Variants in NLK observed in about 807,000 individuals in gnomAD.
NLK encodes serine/threonine-protein kinase NLK.
Under a neutral mutation model 59.0 loss-of-function variants are expected in NLK, and 11 were observed. The observed-to-expected ratio is 0.19, with a 90% confidence interval of 0.12 to 0.31. The LOEUF (loss-of-function observed/expected upper bound fraction) is 0.31. NLK is among the 10% of genes least tolerant of loss of function. NLK has a pLI of 1.00. For missense variants in NLK, 410 were observed against 661.1 expected (o/e 0.62, Z 4.16); for synonymous variants, 235 against 235.9 (o/e 1.00, Z 0.03).
chr17:28,048,539 A>G (rs1165605067), intron 1 of NLK: 1 of 152,220 alleles, frequency 6.6e-6, no homozygotes, highest in Non-Finnish European at 1.5e-5. Context: ...GCTCCCTTTC[A>G]TATGCTATAC....
intron 3 of NLK, among the ~76,000 whole-genome samples, chr17:28,151,243 T>A (rs1235977849): frequency 1.3e-5 from 2 of 152,168 alleles, no homozygotes; most frequent in African/African-American, 4.8e-5. Context: ...GGAGACATTA[T>A]GCTGGGGATT....
intron 1 of NLK, among the ~76,000 whole-genome samples, chr17:28,089,404 A>G (rs1039980633): frequency 6.6e-6 from 1 of 151,716 alleles, no homozygotes; most frequent in African/African-American, 2.4e-5. Context: ...ATGAATTAAT[A>G]GTTCATTCCT....
At chr17:28,128,944 C>T (rs1906402096) in intron 2 of NLK, among the ~76,000 whole-genome samples, 1 of 152,152 alleles carries the variant, frequency 6.6e-6, no homozygotes, top group Non-Finnish European at 1.5e-5. Flanking sequence ...GTGATATAGT[C>T]CAGTTCAATA....
chr17:28,093,237 A>G (rs535624348), intron 1 of NLK, among the ~76,000 whole-genome samples: 1 of 152,280 alleles, frequency 6.6e-6, no homozygotes, highest in East Asian at 1.9e-4. Context: ...TCTTTGAAAT[A>G]TTCTCATGAC....
intron 1 of NLK, among the ~76,000 whole-genome samples, chr17:28,057,775 A>G (rs2142742612): frequency 6.6e-6 from 1 of 152,318 alleles, no homozygotes; most frequent in East Asian, 1.9e-4. Flanking sequence ...ATTTTTCAGT[A>G]CCAAATAATT....
intron 1 of NLK, among the ~76,000 whole-genome samples, chr17:28,111,150 G>A (rs1369656374): frequency 6.6e-6 from 1 of 151,980 alleles, no homozygotes; most frequent in Non-Finnish European, 1.5e-5. Flanking sequence ...TTTCTGAATA[G>A]GACATCTGGA....
At chr17:28,201,623 G>C in the NLK span, among the ~76,000 whole-genome samples, 13 of 152,058 alleles carry the variant, frequency 8.5e-5, no homozygotes, top group African/African-American at 2.9e-4. Flanking sequence ...TTTAAAAAAT[G>C]CTATAGTCAG....
At chr17:28,137,778 TA>T (rs1292004008) in intron 3 of NLK, among the ~76,000 whole-genome samples, 1 of 152,112 alleles carries the variant, frequency 6.6e-6, no homozygotes, top group Non-Finnish European at 1.5e-5. Flanking sequence ...AGTCAATATC[TA>T]GACTGTAAGT....
At chr17:28,082,001 C>T (rs775007307) in intron 1 of NLK, among the ~76,000 whole-genome samples, 1 of 152,218 alleles carries the variant, frequency 6.6e-6, no homozygotes, top group Admixed American at 6.5e-5. Context: ...TCAAGTGATT[C>T]TCTTGCCTCA....
At chr17:28,050,288 C>G (rs1909202081) in intron 1 of NLK, among the ~76,000 whole-genome samples, 1 of 152,012 alleles carries the variant, frequency 6.6e-6, no homozygotes, top group Admixed American at 6.6e-5. Flanking sequence ...GTGGAAGGGC[C>G]TATATGCAGG....
Position 28,132,681 on chromosome 17 carries a change from C to T in NLK, c.644+6C>T. The T allele has an allele frequency of 6.2e-7, 1 of 1,605,262 alleles. No homozygotes were observed. Among genetic ancestry groups the T allele is most frequent in the Non-Finnish European group, 8.5e-7 (1 of 1,174,386 alleles). On this transcript the variant is annotated splice_donor_region_variant and intron_variant, in intron 3 of 10. Transcript: ENST00000407008. ...ATTGACTATTTTGAAGAAATGTATCCTAACCAGGGAATGTGAAAGAAGGGG... is the reference window on the plus strand; with the variant it reads ...ATTGACTATTTTGAAGAAATGTATCTTAACCAGGGAATGTGAAAGAAGGGG...
chr17:28,044,461 A>G (rs756474644), intron 1 of NLK, among the ~76,000 whole-genome samples: 3 of 152,190 alleles, frequency 2.0e-5, no homozygotes, highest in Non-Finnish European at 4.4e-5. Context: ...TTCAGATTTG[A>G]TAATCTAGGC....
chr17:28,124,133 C>T (rs938337223), intron 2 of NLK, among the ~76,000 whole-genome samples: 3 of 152,182 alleles, frequency 2.0e-5, no homozygotes, highest in African/African-American at 7.2e-5. Flanking sequence ...AATGATTATT[C>T]CTCTTGAAAT....
At chr17:28,080,402 G>A (rs1020668003) in intron 1 of NLK, among the ~76,000 whole-genome samples, 29 of 152,070 alleles carry the variant, frequency 1.9e-4, no homozygotes, top group Non-Finnish European at 4.0e-4. Context: ...AACATAGTGA[G>A]AACCCCATCT....
At position 28,075,954 on chromosome 17, in the gene NLK, C is replaced by T. The variant is rs34279493; in HGVS notation, c.458+32623C>T. Among the ~76,000 whole-genome samples, 1,101 of 152,184 alleles carry T rather than the reference C, an allele frequency of 7.2e-3. 5 individuals carry two copies. Among genetic ancestry groups the T allele is most frequent in the Non-Finnish European group, 0.011 (774 of 68,026 alleles). On this transcript the variant is annotated intron_variant, in intron 1 of 10. Coordinates refer to ENST00000407008, the MANE Select transcript of NLK (RefSeq NM_016231.5). ...AAATCTATCTTTAAAAAACATTTAC[C>T]CATACAGTGAAAAAAGCACATTGAA... is the stretch of plus-strand genomic sequence containing the variant.
chr17:28,191,114 T>C lies in NLK; in HGVS notation c.1330T>C (p.Ser444Pro). ...CACATGTATGTGTAAATGTTGCTTT[T>C]CCACCTCCACTGGAAGAGTTTATAC... is the stretch of plus-strand genomic sequence containing the variant. The part of the protein sequence containing the change: ...YHTCMCKCCF[S>P]TSTGRVYTSD... Residue 444 changes from serine (S) to proline (P), a missense_variant, in exon 9 of 11, where the codon TCC becomes CCC. By Grantham distance (74) the Ser-to-Pro change is moderately conservative. Coordinates refer to ENST00000407008, the MANE Select transcript of NLK (RefSeq NM_016231.5). 1 of 1,613,976 alleles carries C rather than the reference T, an allele frequency of 6.2e-7. No homozygotes were observed. The highest frequency in any genetic ancestry group is 1.1e-5 in the South Asian group (1 of 91,072).
chr17:28,200,982 T>C (rs1338335739), downstream of NLK, among the ~76,000 whole-genome samples: 1 of 152,252 alleles, frequency 6.6e-6, no homozygotes, highest in Non-Finnish European at 1.5e-5. Context: ...CTTTGCACTT[T>C]GGTCAAAAAT....
intron 1 of NLK, among the ~76,000 whole-genome samples, chr17:28,064,865 T>G (rs1041076661): frequency 6.6e-6 from 1 of 152,254 alleles, no homozygotes; most frequent in African/African-American, 2.4e-5. Flanking sequence ...TAGGTTCTTA[T>G]GAAAATTAAA....
intron 1 of NLK, among the ~76,000 whole-genome samples, chr17:28,047,118 T>C (rs1242930569): frequency 6.6e-6 from 1 of 152,210 alleles, no homozygotes; most frequent in African/African-American, 2.4e-5. Context: ...TATCTCAGGA[T>C]TGATGTGAAG....
Sources: allele counts gnomAD v4.1 joint callset (sites outside exome capture counted in the v4.1 genomes callset), GRCh38; gene constraint gnomAD v4.1.1; transcripts MANE v1.5; gene names NCBI Gene and HGNC (gene_info 2026-07-23, HGNC 2026-07-21).